The following FHIP1B variants were observed in gnomAD, a reference collection of about 807,000 sequenced individuals.
FHIP1B encodes the protein FHF complex subunit HOOK-interacting protein 1B.
Under a neutral mutation model 82.2 loss-of-function variants are expected in FHIP1B, and 28 were observed. The ratio of observed to expected loss-of-function variants is 0.34; its 90% CI spans 0.25 to 0.47. The LOEUF (loss-of-function observed/expected upper bound fraction) is 0.47, where lower values mean the gene tolerates loss of function less well. Among genes scored for constraint, FHIP1B ranks in the 20% least tolerant of loss-of-function variants. FHIP1B has a pLI of 1.00. For synonymous variants in FHIP1B, 585 were observed against 516.1 expected (o/e 1.13, Z -1.81); for missense variants, 1,110 against 1,262.6 (o/e 0.88, Z 1.83).
chr11:6,218,240 T>C (rs999423838), intron 8 of FHIP1B, 90 bp from the exon 9 acceptor site: 2 of 1,465,216 alleles, frequency 1.4e-6, no homozygotes, highest in African/African-American at 1.4e-5. Flanking sequence ...AAGAAGACAA[T>C]GGGGAGGCAG....
In FHIP1B at chr11:6,223,179, T is replaced by C; in HGVS notation, c.837A>G (p.Pro279=). The C allele has an allele frequency of 6.2e-7, 1 of 1,608,514 alleles. No homozygotes were observed. Reference sequence around the variant, plus strand: ...GTCGCAGACAGTGCCAATCATCCCCTGGAACCTCAATCTTTCGAGGCAGTG... The same window carrying C: ...GTCGCAGACAGTGCCAATCATCCCCCGGAACCTCAATCTTTCGAGGCAGTG... ...YSSLPRKIEV[P]GDDWHCLRRE... Residue 279 remains proline (P), a synonymous_variant, in exon 4 of 12, where the codon CCA becomes CCG. Coordinates refer to ENST00000449352, the MANE Select transcript of FHIP1B (RefSeq NM_001098794.2). The surrounding 1 kb of genome is among the most constrained non-coding windows in gnomAD (Gnocchi z 4.8).
intron 8 of FHIP1B, 68 bp from the exon 9 acceptor site, chr11:6,218,218 G>A (rs902942939): frequency 3.6e-5 from 55 of 1,507,712 alleles, no homozygotes; most frequent in South Asian, 5.3e-5. Context: ...AAGACACCTC[G>A]GGAGACTAAG....
chr11:6,232,955 T>C (rs926970117), intron 1 of FHIP1B, among the ~76,000 whole-genome samples: 7 of 152,196 alleles, frequency 4.6e-5, no homozygotes, highest in African/African-American at 1.7e-4. Context: ...AATAAATTTA[T>C]CTTCATGAAT....
chr11:6,217,509 C>T lies in FHIP1B; in HGVS notation c.2077G>A (p.Glu693Lys). ...GGCAGTGGAGGTTCTAAGGGGGACT[C>T]TGAGCCAGTTCCCCCATTGCTCAAT... ...VALSNGGTGS[E>K]SPLEPPLPLE... Residue 693 changes from glutamate (E) to lysine (K), a missense_variant, in exon 9 of 12, where the codon GAG becomes AAG. Physicochemically the swap from Glu to Lys is moderately conservative, Grantham distance 56 (BLOSUM62 1). Transcript: ENST00000449352. The T allele has an allele frequency of 6.2e-7, 1 of 1,612,358 alleles. No homozygotes were observed. Among genetic ancestry groups the T allele is most frequent in the Non-Finnish European group, 8.5e-7 (1 of 1,178,922 alleles).
intron 1 of FHIP1B, among the ~76,000 whole-genome samples, chr11:6,233,969 T>G (rs1225948161): frequency 6.6e-6 from 1 of 152,192 alleles, no homozygotes; most frequent in East Asian, 1.9e-4. Context: ...CACCTTCATT[T>G]TCTCGTCCTC....
intron 1 of FHIP1B, among the ~76,000 whole-genome samples, chr11:6,231,828 C>T (rs560209346): frequency 1.3e-5 from 2 of 152,294 alleles, no homozygotes; most frequent in South Asian, 4.1e-4. Context: ...TCACATTTCA[C>T]ATTATCTCTC....
At position 6,218,656 on chromosome 11, in the gene FHIP1B, CA is replaced by C. The variant is rs1847320497; in HGVS notation, c.1378del (p.Cys460ValfsTer31). ...TGGGCTGGGGGCGTGGTGCCGACAACAGCGTGGGATTAGGGAGAGAAACTTG... is the reference window on the plus strand; with the variant it reads ...TGGGCTGGGGGCGTGGTGCCGACAACGCGTGGGATTAGGGAGAGAAACTTG... ...ADKFLSLIPR[C>X]CRHHAPSPPR... On this transcript the variant is annotated frameshift_variant, in exon 8 of 12. Coordinates refer to ENST00000449352, the MANE Select transcript of FHIP1B (RefSeq NM_001098794.2). LOFTEE classifies it high-confidence loss of function. The C allele has an allele frequency of 6.2e-7, 1 of 1,614,022 alleles. No individual in the cohort carries two copies. The highest frequency in any genetic ancestry group is 8.5e-7 in the Non-Finnish European group (1 of 1,180,022).
chr11:6,221,127 T>C (rs1227721995), intron 6 of FHIP1B, among the ~76,000 whole-genome samples: 1 of 152,224 alleles, frequency 6.6e-6, no homozygotes, highest in Non-Finnish European at 1.5e-5. Flanking sequence ...TTCTAAAGTA[T>C]ACACTTGGTT....
chr11:6,216,906 G>A (rs1847242853), intron 9 of FHIP1B: 3 of 601,784 alleles, frequency 5.0e-6, no homozygotes, highest in Non-Finnish European at 8.8e-6. Flanking sequence ...TTAACCTTAG[G>A]CCCCAGGAGA....
chr11:6,221,857 G>A (rs545684196), intron 6 of FHIP1B, among the ~76,000 whole-genome samples: 2 of 152,260 alleles, frequency 1.3e-5, no homozygotes, highest in East Asian at 3.9e-4. Flanking sequence ...TAAGCTCCAT[G>A]AAGTCAGCAA....
intron 9 of FHIP1B, among the ~76,000 whole-genome samples, chr11:6,216,242 T>G (rs1382489985): frequency 6.6e-6 from 1 of 152,214 alleles, no homozygotes; most frequent in Non-Finnish European, 1.5e-5. Context: ...GAAGCCCTGG[T>G]GCTGTATGAG....
intron 1 of FHIP1B, among the ~76,000 whole-genome samples, chr11:6,229,619 C>T (rs939122882): frequency 1.3e-5 from 2 of 152,182 alleles, no homozygotes; most frequent in African/African-American, 4.8e-5. Context: ...ACATTAACTG[C>T]TCCTACCTTG....
At position 6,217,515 on chromosome 11, in the gene FHIP1B, C is replaced by T. The variant is rs1443860533; in HGVS notation, c.2071G>A (p.Gly691Ser). Reference protein sequence around the residue: ...LEVALSNGGTGSESPLEPPLP... With the variant: ...LEVALSNGGTSSESPLEPPLP... ...GGAGGTTCTAAGGGGGACTCTGAGC[C>T]AGTTCCCCCATTGCTCAATGCCACC... The change falls in exon 9 of 12, where the codon GGC (glycine) becomes AGC (serine). Residue 691 changes from glycine (G) to serine (S), a missense_variant. Around this residue, in one of 6 missense-constraint regions of FHIP1B, gnomAD observed 418 missense variants for 371.4 expected, o/e 1.13. Transcript: ENST00000449352. 6.2e-7 allele frequency: 1 copy of T among 1,611,900 alleles called. No individual in the cohort carries two copies. The highest frequency in any genetic ancestry group is 8.5e-7 in the Non-Finnish European group (1 of 1,178,662).
chr11:6,224,997 C>T (rs1425450673), intron 1 of FHIP1B, among the ~76,000 whole-genome samples: 1 of 152,190 alleles, frequency 6.6e-6, no homozygotes, highest in African/African-American at 2.4e-5. Flanking sequence ...TCCAGTTCAT[C>T]AGCAAACTCT....
Position 6,214,430 on chromosome 11 carries a change from T to C in FHIP1B, c.2538A>G (p.Pro846=). The change falls in exon 11 of 12, where the codon CCA becomes CCG. Residue 846 remains proline (P), a synonymous_variant. Coordinates refer to ENST00000449352, the MANE Select transcript of FHIP1B (RefSeq NM_001098794.2). ...WAEGPAAGPA[P]RRSDPLVKSR... ...CCTCACCTAGGGGATCAGAACGGCG[T>C]GGGGCAGGTCCTGCTGCAGGGCCCT... 1 of 1,612,386 alleles carries C rather than the reference T, an allele frequency of 6.2e-7. No individual in the cohort carries two copies. Among genetic ancestry groups the C allele is most frequent in the South Asian group, 1.1e-5 (1 of 90,930 alleles).
chr11:6,212,085 C>T (rs1356793158), intron 11 of FHIP1B: 2 of 451,924 alleles, frequency 4.4e-6, no homozygotes, highest in Non-Finnish European at 5.8e-6. Flanking sequence ...AGTTCTTTCT[C>T]ACTCCAACAC....
At position 6,223,007 on chromosome 11, in the gene FHIP1B, C is replaced by G. The variant is rs1847457830; in HGVS notation, c.936+73G>C. On this transcript the variant is annotated intron_variant, in intron 4 of 11. Coordinates refer to ENST00000449352, the MANE Select transcript of FHIP1B (RefSeq NM_001098794.2). This position sits in a 1 kb window ranked among gnomAD's most constrained non-coding sequence, Gnocchi z 4.8. ...TCCTACTTCCAAGATGGAAAAATGACAGAACTCCAGGGAATATACCCCCTC... is the reference window on the plus strand; with the variant it reads ...TCCTACTTCCAAGATGGAAAAATGAGAGAACTCCAGGGAATATACCCCCTC... 6.3e-7 allele frequency: 1 copy of G among 1,581,852 alleles called. No individual in the cohort carries two copies. The highest frequency in any genetic ancestry group is 1.7e-5 in the Admixed American group (1 of 57,646).
At position 6,211,819 on chromosome 11, in the gene FHIP1B, T is replaced by G; in HGVS notation, c.2606A>C (p.His869Pro). The change falls in exon 12 of 12, where the codon CAC (histidine) becomes CCC (proline). Residue 869 changes from histidine to proline, a missense_variant. Transcript: ENST00000449352. ...SLGELLLRHA[H>P]SPTRARQAAQ... The stretch of plus-strand genomic sequence containing the variant: ...CGCCTGCCGGGCCCTGGTTGGACTG[T>G]GTGCATGCCGCAGGAGTAACTCCCC... 1 of 1,606,290 alleles carries G rather than the reference T, an allele frequency of 6.2e-7. No homozygotes were observed. The highest frequency in any genetic ancestry group is 2.2e-5 in the East Asian group (1 of 44,852).
chr11:6,214,987 C>G, intron 9 of FHIP1B, 76 bp from the exon 10 acceptor site: 1 of 1,337,942 alleles, frequency 7.5e-7, no homozygotes, highest in Non-Finnish European at 9.9e-7. Flanking sequence ...CTCCCCAAAA[C>G]AAGAGACCCC....
Sources: allele counts gnomAD v4.1 joint callset (sites outside exome capture counted in the v4.1 genomes callset), GRCh38; gene constraint gnomAD v4.1.1; regional missense constraint gnomAD v4.1.1; non-coding constraint Gnocchi (gnomAD v3.1); transcripts MANE v1.5; gene names NCBI Gene and HGNC (gene_info 2026-07-23, HGNC 2026-07-21).